NINJ2: variants seen among roughly 807,000 people sequenced by gnomAD.
NINJ2 encodes ninjurin 2, also known as ninjurin-2.
A neutral mutation model predicts 11.7 loss-of-function variants in NINJ2; 12 were observed. That is an observed-to-expected ratio of 1.02 (90% CI 0.66 to 1.66). The LOEUF is 1.66. NINJ2 is among the 40% of genes most tolerant of loss of function. The pLI is 0.00. For synonymous variants in NINJ2, 93 were observed against 76.8 expected (o/e 1.21, Z -1.10); for missense variants, 187 against 181.8 (o/e 1.03, Z -0.16).
rs1291085290 is a variant in NINJ2 at position 580,128 on chromosome 12, C to G, written c.34-13950G>C. Among the ~76,000 whole-genome samples the G allele has an allele frequency of 6.6e-6, 1 of 152,096 alleles. No homozygotes were observed. The highest frequency in any genetic ancestry group is 1.5e-5 in the Non-Finnish European group (1 of 68,030). Reference sequence around the variant, plus strand: ...TGAGGGACTTACACAGCCTATGCTTCCAGGGCTGTAGCAGTTAAGGACACA... The same window carrying G: ...TGAGGGACTTACACAGCCTATGCTTGCAGGGCTGTAGCAGTTAAGGACACA... On this transcript the variant is annotated intron_variant, in intron 1 of 3. Coordinates refer to ENST00000305108, the MANE Select transcript of NINJ2 (RefSeq NM_016533.6). The surrounding 1 kb of genome is among the most constrained non-coding windows in gnomAD (Gnocchi z 4.7).
At chr12:596,634 A>C (rs1423461046) in intron 1 of NINJ2, among the ~76,000 whole-genome samples, 2 of 152,210 alleles carry the variant, frequency 1.3e-5, no homozygotes, top group Admixed American at 1.3e-4. Flanking sequence ...AATATAAAAA[A>C]GTGGCAAGCT....
chr12:637,823 G>T (rs1171655524), intron 1 of NINJ2, among the ~76,000 whole-genome samples: 1 of 152,154 alleles, frequency 6.6e-6, no homozygotes, highest in East Asian at 1.9e-4. Context: ...TGGGGTAAAA[G>T]AAATACAGCC....
At chr12:620,607 G>T (rs775132371) in intron 1 of NINJ2, among the ~76,000 whole-genome samples, 2 of 146,712 alleles carry the variant, frequency 1.4e-5, no homozygotes, top group Admixed American at 1.4e-4. Context: ...GGATCCAAAA[G>T]TGGTTTTGAA....
chr12:630,371 G>C (rs1397684801), intron 1 of NINJ2, among the ~76,000 whole-genome samples: 1 of 151,690 alleles, frequency 6.6e-6, no homozygotes. Context: ...TTTTTGTTTT[G>C]TTTTGTTTTG....
chr12:634,262 G>GTTTTTTTTTTTT (rs1565643231), intron 1 of NINJ2, among the ~76,000 whole-genome samples: 1 of 75,622 alleles, frequency 1.3e-5, no homozygotes, highest in African/African-American at 4.0e-5. Context: ...ATTAGTTGCA[G>GTTTTTTTTTTTT]TTCTTTTTTT....
chr12:662,204 A>T (rs779061634), intron 1 of NINJ2, among the ~76,000 whole-genome samples: 2 of 152,354 alleles, frequency 1.3e-5, no homozygotes, highest in Non-Finnish European at 2.9e-5. Context: ...ACAGAGGGAC[A>T]AGCAAGCCTT....
chr12:634,996 C>G (rs960392392), intron 1 of NINJ2, among the ~76,000 whole-genome samples: 3 of 151,900 alleles, frequency 2.0e-5, no homozygotes, highest in Non-Finnish European at 4.4e-5. Context: ...CCTTCCCCAT[C>G]GGCCTGCCAA....
At chr12:587,371 G>A (rs975527110) in intron 1 of NINJ2, among the ~76,000 whole-genome samples, 6 of 152,224 alleles carry the variant, frequency 3.9e-5, no homozygotes, top group South Asian at 2.1e-4. Flanking sequence ...GTCAAGCGGC[G>A]GCAGGAAGTG....
intron 1 of NINJ2, among the ~76,000 whole-genome samples, chr12:604,703 G>A (rs530151438): frequency 6.6e-6 from 1 of 152,268 alleles, no homozygotes; most frequent in South Asian, 2.1e-4. Context: ...AACAGGATAC[G>A]AGGAATCCAG....
chr12:630,887 G>A (rs774071271), intron 1 of NINJ2: 1 of 152,336 alleles, frequency 6.6e-6, no homozygotes, highest in Non-Finnish European at 1.5e-5. Flanking sequence ...AGGAAGAAGG[G>A]GTCAGCTTCA....
intron 1 of NINJ2, among the ~76,000 whole-genome samples, chr12:637,002 A>C (rs2120463032): frequency 6.6e-6 from 1 of 152,356 alleles, no homozygotes; most frequent in Non-Finnish European, 1.5e-5. Context: ...CAGCAGATGA[A>C]TGGATAACCA....
At chr12:597,775 C>T (rs1018064777) in intron 1 of NINJ2, among the ~76,000 whole-genome samples, 1 of 152,218 alleles carries the variant, frequency 6.6e-6, no homozygotes, top group African/African-American at 2.4e-5. Flanking sequence ...CAATGAACAC[C>T]AAGAAGTGTC....
intron 1 of NINJ2, among the ~76,000 whole-genome samples, chr12:654,305 C>T (rs117464964): frequency 0.021 from 3,238 of 152,008 alleles, 158 homozygotes; most frequent in East Asian, 0.12. Context: ...GGGCAGATCA[C>T]CTGTCAGGAG....
chr12:620,640 T>TTGTC (rs933990033), intron 1 of NINJ2, among the ~76,000 whole-genome samples: 5 of 152,022 alleles, frequency 3.3e-5, no homozygotes, highest in South Asian at 2.1e-4. Flanking sequence ...GTTTGTTTGT[T>TTGTC]TGTTTTTGAG....
intron 1 of NINJ2, among the ~76,000 whole-genome samples, chr12:601,369 A>AC (rs761951541): frequency 6.6e-6 from 1 of 151,070 alleles, no homozygotes; most frequent in Admixed American, 6.6e-5. Context: ...ACACAGTGAA[A>AC]CCCCGTCTCT....
chr12:631,461 T>C (rs1948280740), intron 1 of NINJ2, among the ~76,000 whole-genome samples: 1 of 152,192 alleles, frequency 6.6e-6, no homozygotes, highest in Admixed American at 6.5e-5. Context: ...CCTCCCGGGC[T>C]CAAGCGATTC....
chr12:613,562 T>G (rs537965422), intron 1 of NINJ2, among the ~76,000 whole-genome samples: 1 of 151,410 alleles, frequency 6.6e-6, no homozygotes, highest in South Asian at 2.1e-4. Context: ...TGAGCCAAGA[T>G]TGCGACATTA....
At chr12:583,291 G>T (rs936635372) in intron 1 of NINJ2, among the ~76,000 whole-genome samples, 8 of 152,368 alleles carry the variant, frequency 5.3e-5, no homozygotes, top group South Asian at 4.1e-4. Flanking sequence ...CCAGATTCAG[G>T]CTAGAAGTGC....
chr12:598,068 A>G (rs1007329252), intron 1 of NINJ2, among the ~76,000 whole-genome samples: 2 of 152,252 alleles, frequency 1.3e-5, no homozygotes, highest in Non-Finnish European at 2.9e-5. Flanking sequence ...GCATCTGCAG[A>G]TAAGTTTCCT....
Sources: gnomAD v4.1 joint callset for allele counts (sites outside exome capture counted in the v4.1 genomes callset) on GRCh38, gnomAD v4.1.1 for gene constraint, Gnocchi (gnomAD v3.1) non-coding constraint, MANE v1.5 for transcripts, NCBI Gene and HGNC (gene_info 2026-07-23, HGNC 2026-07-21) for gene names.